Variants in NLRP13 observed in about 807,000 individuals in gnomAD.
NLRP13 encodes the protein NACHT, LRR and PYD domains-containing protein 13.
NLRP13 carries 82 observed loss-of-function variants against 94.4 expected under a neutral mutation model. The ratio of observed to expected loss-of-function variants is 0.87; its 90% confidence interval spans 0.73 to 1.04. The LOEUF (loss-of-function observed/expected upper bound fraction) is 1.04, where lower values mean the gene tolerates loss of function less well. Among genes scored for constraint, NLRP13 ranks in the 50% least tolerant of loss-of-function variants. The pLI, the probability that NLRP13 is intolerant of heterozygous loss-of-function variation, is 0.00. For synonymous variants in NLRP13, 553 were observed against 464.7 expected (o/e 1.19, Z -2.45); for missense variants, 1,426 against 1,230.8 (o/e 1.16, Z -2.37).
At chr19:55,918,857 GT>G (rs1355761803) in intron 4 of NLRP13, among the ~76,000 whole-genome samples, 1 of 151,918 alleles carries the variant, frequency 6.6e-6, no homozygotes, top group East Asian at 1.9e-4. Context: ...AGAGGAGGGA[GT>G]GCTCTCTAAT....
chr19:55,901,659 T>C (rs1224129308), intron 9 of NLRP13, among the ~76,000 whole-genome samples: 1 of 152,124 alleles, frequency 6.6e-6, no homozygotes, highest in Admixed American at 6.6e-5. Flanking sequence ...CCACATGTGA[T>C]TGCACGGGGA....
At position 55,912,478 on chromosome 19, in the gene NLRP13, ACTGGAGATCGTAATAC is replaced by A. The variant is rs770833981; in HGVS notation, c.1323_1338del (p.Arg441SerfsTer24). On this transcript the variant is annotated frameshift_variant, in exon 5 of 11. Transcript: ENST00000342929. LOFTEE classifies it high-confidence loss of function. ...AGACTGGTGGTAGTCTGAGTGATTG[ACTGGAGATCGTAATAC>A]CTCACCTTCGGCTGCTTCAGACAGG... 26 of 1,614,064 alleles carry A rather than the reference ACTGGAGATCGTAATAC, an allele frequency of 1.6e-5. No individual in the cohort carries two copies. The highest frequency in any genetic ancestry group is 3.3e-5 in the Admixed American group (2 of 59,992).
chr19:55,905,426 T>TAC (rs1473846923), intron 7 of NLRP13, among the ~76,000 whole-genome samples: 1 of 150,508 alleles, frequency 6.6e-6, no homozygotes, highest in Non-Finnish European at 1.5e-5. Context: ...CACGTATATA[T>TAC]ACACACACAT....
chr19:55,899,766 C>T (rs1210699399), intron 9 of NLRP13, among the ~76,000 whole-genome samples: 1 of 152,070 alleles, frequency 6.6e-6, no homozygotes, highest in Non-Finnish European at 1.5e-5. Context: ...GGCGACAGAG[C>T]AAGAGTCTGT....
chr19:55,896,518 C>CAAAAAAA (rs776309030), intron 10 of NLRP13, among the ~76,000 whole-genome samples: 1 of 90,168 alleles, frequency 1.1e-5, no homozygotes, highest in African/African-American at 4.5e-5. Context: ...GATTCTGTCT[C>CAAAAAAA]AAAAAAAAAA....
chr19:55,894,682 T>C (rs1043748542), downstream of NLRP13, among the ~76,000 whole-genome samples: 1 of 152,186 alleles, frequency 6.6e-6, no homozygotes, highest in Admixed American at 6.5e-5. Flanking sequence ...TGCTTTTATG[T>C]CTCAGACCTG....
intron 4 of NLRP13, among the ~76,000 whole-genome samples, chr19:55,919,227 A>G (rs894447594): frequency 6.6e-6 from 1 of 152,166 alleles, no homozygotes; most frequent in Non-Finnish European, 1.5e-5. Flanking sequence ...ATGTCAAACT[A>G]ATAAAAGCCA....
chr19:55,931,394 C>G (rs1600283238), intron 1 of NLRP13, among the ~76,000 whole-genome samples: 1 of 151,932 alleles, frequency 6.6e-6, no homozygotes, highest in Non-Finnish European at 1.5e-5. Flanking sequence ...GACAATCACA[C>G]TGGGACAAAT....
Position 55,912,505 on chromosome 19 carries a change from G to A in NLRP13, c.1312C>T (p.Pro438Ser). 6.2e-7 allele frequency: 1 copy of A among 1,614,144 alleles called. No homozygotes were observed. The highest frequency in any genetic ancestry group is 1.1e-5 in the South Asian group (1 of 91,084). The change falls in exon 5 of 11, where the codon CCG (proline) becomes TCG (serine). Residue 438 changes from proline (P) to serine (S), a missense_variant. By Grantham distance (74) the Pro-to-Ser change is moderately conservative (BLOSUM62 -1). Coordinates refer to ENST00000342929, the MANE Select transcript of NLRP13 (RefSeq NM_176810.2). The stretch of plus-strand genomic sequence containing the variant: ...TGGAGATCGTAATACCTCACCTTCG[G>A]CTGCTTCAGACAGGAACATACGGTC... ...CWTVCSCLKQ[P>S]KVRYYDLQSI...
At position 55,911,694 on chromosome 19, in the gene NLRP13, TG is replaced by T; in HGVS notation, c.2111+11del. 1 of 1,567,420 alleles carries T rather than the reference TG, an allele frequency of 6.4e-7. No homozygotes were observed. The highest frequency in any genetic ancestry group is 8.6e-7 in the Non-Finnish European group (1 of 1,158,584). On this transcript the variant is annotated intron_variant, in intron 5 of 10. Transcript: ENST00000342929. ...GGAGAAAGCTGAGAAAGAAATGGTT[TG>T]TAATACTCACTCCAGAATTTCCAAG...
At chr19:55,893,947 T>G (rs2123095116), downstream of NLRP13, among the ~76,000 whole-genome samples, 1 of 152,154 alleles carries the variant, frequency 6.6e-6, no homozygotes, top group East Asian at 1.9e-4. Context: ...CGTGACTCAC[T>G]TCCTAAAGTA....
chr19:55,930,874 T>TTTTTTATATATATATATATATATATA, intron 1 of NLRP13, among the ~76,000 whole-genome samples: 1 of 70,190 alleles, frequency 1.4e-5, no homozygotes, highest in Middle Eastern at 6.1e-3. Context: ...GAATCAGTGA[T>TTTTTTATATATATATATATATATATA]TATATATATA....
In NLRP13 at chr19:55,912,827, C is replaced by A; in HGVS notation, c.990G>T (p.Ser330=). ...GCTCCTGGTACCAGTCTGTACATGG[C>A]GAGCCATCATCCAAGCTCTCAGAGC... The part of the protein sequence containing the change: ...ESRSESLDDG[S]PCTDWYQELP... Residue 330 remains serine (S), a synonymous_variant, in exon 5 of 11, where the codon TCG becomes TCT. Transcript: ENST00000342929. The A allele has an allele frequency of 1.2e-6, 2 of 1,614,044 alleles. No homozygotes were observed. The highest frequency in any genetic ancestry group is 8.5e-7 in the Non-Finnish European group (1 of 1,180,012).
chr19:55,916,711 G>A (rs544528640), intron 4 of NLRP13, among the ~76,000 whole-genome samples: 125 of 152,272 alleles, frequency 8.2e-4, no homozygotes, highest in Middle Eastern at 3.4e-3. Context: ...TTCAAAAGGC[G>A]TGGGACTACA....
At chr19:55,924,183 T>C (rs1986912373) in intron 3 of NLRP13, among the ~76,000 whole-genome samples, 1 of 152,162 alleles carries the variant, frequency 6.6e-6, no homozygotes, top group African/African-American at 2.4e-5. Flanking sequence ...AGTGCAGTGG[T>C]ACCATCTTGG....
At chr19:55,920,209 C>G (rs1346836739) in intron 4 of NLRP13, among the ~76,000 whole-genome samples, 2 of 152,098 alleles carry the variant, frequency 1.3e-5, no homozygotes, top group Admixed American at 1.3e-4. Context: ...AATGTAAGAC[C>G]TGAAACTGTA....
At chr19:55,898,304 G>A (rs1429006511) in intron 10 of NLRP13, among the ~76,000 whole-genome samples, 2 of 150,044 alleles carry the variant, frequency 1.3e-5, no homozygotes, top group Non-Finnish European at 3.0e-5. Context: ...CTACCTCCCG[G>A]GTTCAAGCGA....
At chr19:55,901,939 G>A (rs1817158370) in intron 9 of NLRP13, 96 bp downstream of exon 9, 5 of 1,290,584 alleles carry the variant, frequency 3.9e-6, no homozygotes, top group African/African-American at 1.5e-5. Context: ...GCTTGTCCAC[G>A]CCTCATTCAA....
chr19:55,930,467 C>T (rs140011199), intron 1 of NLRP13, among the ~76,000 whole-genome samples: 151 of 152,180 alleles, frequency 9.9e-4, no homozygotes, highest in African/African-American at 3.5e-3. Flanking sequence ...AGGCAAATCA[C>T]CTGAGGTCAG....
Sources: gnomAD v4.1 joint callset for allele counts (sites outside exome capture counted in the v4.1 genomes callset) on GRCh38, gnomAD v4.1.1 for gene constraint, MANE v1.5 for transcripts, NCBI Gene and HGNC (gene_info 2026-07-23, HGNC 2026-07-21) for gene names.